The following MMD2 variants were observed in gnomAD, a reference collection of about 807,000 sequenced individuals.
MMD2 encodes the protein monocyte to macrophage differentiation associated 2.
Under a neutral mutation model 33.5 loss-of-function variants are expected in MMD2, and 30 were observed. The ratio of observed to expected loss-of-function variants is 0.90; its 90% CI spans 0.67 to 1.22. The LOEUF is 1.22. Among genes scored for constraint, MMD2 ranks in the 50% most tolerant of loss-of-function variants. MMD2 has a pLI of 0.00. For synonymous variants in MMD2, 129 were observed against 123.0 expected (o/e 1.05, Z -0.32); for missense variants, 364 against 325.4 (o/e 1.12, Z -0.91).
chr7:4,930,375 C>T (rs1446175446), intron 1 of MMD2, among the ~76,000 whole-genome samples: 1 of 151,460 alleles, frequency 6.6e-6, no homozygotes, highest in Non-Finnish European at 1.5e-5. Context: ...CATGGTGGCT[C>T]ACACCTGTAA....
intron 3 of MMD2, among the ~76,000 whole-genome samples, chr7:4,918,767 C>A (rs946582938): frequency 1.3e-5 from 2 of 151,840 alleles, no homozygotes. Context: ...GGATTACAGG[C>A]ATGAGACACC....
At chr7:4,923,553 A>C (rs1411570408) in intron 2 of MMD2, among the ~76,000 whole-genome samples, 1 of 152,156 alleles carries the variant, frequency 6.6e-6, no homozygotes, top group African/African-American at 2.4e-5. Context: ...AAGGAAACTG[A>C]GGCTCAGGGC....
chr7:4,900,009 T>C, the MMD2 span, among the ~76,000 whole-genome samples: 1 of 152,228 alleles, frequency 6.6e-6, no homozygotes, highest in South Asian at 2.1e-4. Flanking sequence ...CTCCACTGTC[T>C]GAGCAACCTT....
chr7:4,934,157 T>C (rs140650279), intron 1 of MMD2, among the ~76,000 whole-genome samples: 26 of 152,226 alleles, frequency 1.7e-4, no homozygotes, highest in African/African-American at 6.0e-4. Context: ...CTCAAACTCC[T>C]GACCTCAAGT....
chr7:4,911,080 A>C, intron 5 of MMD2, 65 bp downstream of exon 5: 1 of 1,320,610 alleles, frequency 7.6e-7, no homozygotes, highest in Non-Finnish European at 1.1e-6. Context: ...GCAGCCCAGG[A>C]GTGCTGGGGA....
chr7:4,904,015 C>T (rs1784828027), downstream of MMD2, among the ~76,000 whole-genome samples: 1 of 152,190 alleles, frequency 6.6e-6, no homozygotes, highest in African/African-American at 2.4e-5. Context: ...TCACTACAAC[C>T]TCGGCCTCCC....
chr7:4,919,480 G>C (rs1331401399), intron 3 of MMD2, among the ~76,000 whole-genome samples: 1 of 149,676 alleles, frequency 6.7e-6, no homozygotes, highest in African/African-American at 2.5e-5. Flanking sequence ...TGAGGCAGGA[G>C]GTGCTTGAGC....
At chr7:4,925,394 C>T in intron 2 of MMD2, 57 bp downstream of exon 2, 2 of 1,376,248 alleles carry the variant, frequency 1.5e-6, no homozygotes, top group East Asian at 2.5e-5. Flanking sequence ...CTTCCCCCAC[C>T]CCCCTTCCCC....
chr7:4,930,374 T>A (rs948869558), intron 1 of MMD2, among the ~76,000 whole-genome samples: 1 of 150,950 alleles, frequency 6.6e-6, no homozygotes, highest in African/African-American at 2.4e-5. Flanking sequence ...GCATGGTGGC[T>A]CACACCTGTA....
chr7:4,915,697 G>A (rs926772453), intron 4 of MMD2, among the ~76,000 whole-genome samples: 26 of 148,474 alleles, frequency 1.8e-4, no homozygotes, highest in African/African-American at 4.9e-4. Flanking sequence ...CCAAGACCTC[G>A]CTACTGCACT....
chr7:4,949,462 A>G (rs924840103), intron 1 of MMD2, among the ~76,000 whole-genome samples: 2 of 151,732 alleles, frequency 1.3e-5, no homozygotes, highest in African/African-American at 4.8e-5. Context: ...GGCTTATTTC[A>G]CTTAATAGAA....
intron 1 of MMD2, among the ~76,000 whole-genome samples, chr7:4,952,768 C>T (rs1171894239): frequency 1.3e-5 from 2 of 150,690 alleles, no homozygotes; most frequent in Non-Finnish European, 3.0e-5. Flanking sequence ...CCTGGATCAC[C>T]GCAGCCTCCG....
Position 4,910,968 on chromosome 7 carries a change from G to C in MMD2, c.467+177C>G, listed in dbSNP as rs114163073. On this transcript the variant is annotated intron_variant, in intron 5 of 6. Coordinates refer to ENST00000401401, the MANE Select transcript of MMD2 (RefSeq NM_198403.4). ...TATGATGTCTTTTTGACAACTTCAA[G>C]TTGACCCTAGGGTCTGCAAGACCTG... Among the ~76,000 whole-genome samples the C allele has an allele frequency of 7.8e-3, 1,195 of 152,242 alleles. 26 individuals carry two copies. Among genetic ancestry groups the C allele is most frequent in the African/African-American group, 0.027 (1,126 of 41,558 alleles).
intron 1 of MMD2, among the ~76,000 whole-genome samples, chr7:4,949,334 C>T (rs1786176255): frequency 6.6e-6 from 1 of 152,068 alleles, no homozygotes; most frequent in African/African-American, 2.4e-5. Context: ...AACCTGCCCA[C>T]TCCCCTTCCC....
intron 1 of MMD2, among the ~76,000 whole-genome samples, chr7:4,953,529 G>C (rs1337024286): frequency 6.6e-6 from 1 of 150,876 alleles, no homozygotes; most frequent in East Asian, 1.9e-4. Context: ...GGAGTGCAGT[G>C]GCAAGATCTT....
chr7:4,945,184 C>CCG (rs1786023440), intron 1 of MMD2, among the ~76,000 whole-genome samples: 4 of 31,624 alleles, frequency 1.3e-4, no homozygotes, highest in African/African-American at 4.6e-4. Context: ...TCCTCTTCCT[C>CCG]TTTCTTCTTC....
At position 4,906,595 on chromosome 7, in the gene MMD2, T is replaced by TCAAC. The variant is rs1784871645; in HGVS notation, c.*797_*800dup. The TCAAC allele has an allele frequency of 5.0e-6, 2 of 398,494 alleles. No homozygotes were observed. The highest frequency in any genetic ancestry group is 4.1e-5 in the African/African-American group (2 of 48,706). 24.7% of individuals were successfully genotyped at this position (398,494 alleles called of 1,614,324 possible). The stretch of plus-strand genomic sequence containing the variant: ...TCCTCATTCCCAACTCTACTGAGAA[T>TCAAC]CAACTACGGTGGAACAGAACATCAG... On this transcript the variant is annotated 3_prime_UTR_variant, in exon 7 of 7. Transcript: ENST00000401401.
chr7:4,947,177 C>T lies in MMD2; in HGVS notation c.47+11794G>A, dbSNP rs190393359. On this transcript the variant is annotated intron_variant, in intron 1 of 6. Coordinates refer to ENST00000401401, the MANE Select transcript of MMD2 (RefSeq NM_198403.4). ...AAGCTGAGATGGCGCCACTGCACTC[C>T]AGCCTGGGTGACAGAGCAAGACTCC... Among the ~76,000 whole-genome samples, 21 of 151,992 alleles carry T rather than the reference C, an allele frequency of 1.4e-4. No individual in the cohort carries two copies. The East Asian group carries it at 4.1e-3, about 30-fold the overall frequency.
chr7:4,924,680 G>T (rs1785376170), intron 2 of MMD2, among the ~76,000 whole-genome samples: 1 of 152,236 alleles, frequency 6.6e-6, no homozygotes, highest in South Asian at 2.1e-4. Context: ...GAACATTTCA[G>T]CAAGGCTTGG....
Sources: gnomAD v4.1 joint callset for allele counts (sites outside exome capture counted in the v4.1 genomes callset) on GRCh38, gnomAD v4.1.1 for gene constraint, MANE v1.5 for transcripts, NCBI Gene and HGNC (gene_info 2026-07-23, HGNC 2026-07-21) for gene names.